The following PABPC4L variants were observed in gnomAD, a reference collection of about 807,000 sequenced individuals.
The protein encoded by PABPC4L is polyadenylate-binding protein 4-like.
For missense variants in PABPC4L, 452 were observed against 451.4 expected (o/e 1.00, Z -0.01); for synonymous variants, 169 against 164.1 (o/e 1.03, Z -0.23).
the PABPC4L span, among the ~76,000 whole-genome samples, chr4:134,137,469 C>T: frequency 6.6e-6 from 1 of 151,762 alleles, no homozygotes; most frequent in East Asian, 1.9e-4. Context: ...CCATGTTTAG[C>T]TTATTTCACT....
Position 134,201,063 on chromosome 4 carries a change from G to C in PABPC4L, c.-44C>G, listed in dbSNP as rs1217312712. 1 of 1,551,338 alleles carries C rather than the reference G, an allele frequency of 6.4e-7. No individual in the cohort carries two copies. The highest frequency in any genetic ancestry group is 8.7e-7 in the Non-Finnish European group (1 of 1,146,964). On this transcript the variant is annotated 5_prime_UTR_variant, in exon 2 of 2. The change creates a premature stop within an existing upstream ORF in the 5' untranslated region. Transcript: ENST00000421491. ...GTGAGTTTGTCCCCTGGAGTTCTTT[G>C]AGCAATCCCTGTGGGGGGATACTAG...
chr4:134,093,465 T>TTCTTTATC, the PABPC4L span, among the ~76,000 whole-genome samples: 11 of 151,768 alleles, frequency 7.2e-5, no homozygotes, highest in African/African-American at 2.4e-4. Context: ...TTTGTTCTAA[T>TTCTTTATC]TGTTATTCCT....
the PABPC4L span, among the ~76,000 whole-genome samples, chr4:134,136,622 TA>T: frequency 6.6e-6 from 1 of 152,104 alleles, no homozygotes; most frequent in Non-Finnish European, 1.5e-5. Flanking sequence ...TTCTTCATTT[TA>T]AGAAAATTCT....
chr4:134,149,098 T>C, the PABPC4L span, among the ~76,000 whole-genome samples: 1 of 152,132 alleles, frequency 6.6e-6, no homozygotes, highest in Non-Finnish European at 1.5e-5. Flanking sequence ...ACCTTTCCTA[T>C]ATTGATTACT....
At chr4:133,974,620 A>G in the PABPC4L span, among the ~76,000 whole-genome samples, 2 of 152,146 alleles carry the variant, frequency 1.3e-5, no homozygotes, top group African/African-American at 4.8e-5. Flanking sequence ...TGCAAATTAT[A>G]TATCTGATAA....
the PABPC4L span, among the ~76,000 whole-genome samples, chr4:134,035,502 C>G: frequency 6.6e-6 from 1 of 151,858 alleles, no homozygotes; most frequent in Non-Finnish European, 1.5e-5. Context: ...GTTTAAGTTT[C>G]CATTACAAAT....
chr4:133,986,555 A>G, the PABPC4L span, among the ~76,000 whole-genome samples: 2 of 152,154 alleles, frequency 1.3e-5, no homozygotes, highest in African/African-American at 2.4e-5. Context: ...CTAAACACCT[A>G]CAAATATCAC....
chr4:134,109,394 T>C, the PABPC4L span, among the ~76,000 whole-genome samples: 1 of 151,204 alleles, frequency 6.6e-6, no homozygotes, highest in Non-Finnish European at 1.5e-5. Context: ...GAAAGAAAAA[T>C]TAAAGATAGG....
the PABPC4L span, among the ~76,000 whole-genome samples, chr4:134,018,304 G>T: frequency 0.01 from 1,544 of 152,158 alleles, 32 homozygotes; most frequent in African/African-American, 0.036. Flanking sequence ...GACTCAGCCT[G>T]CCTGCACCCA....
the PABPC4L span, among the ~76,000 whole-genome samples, chr4:134,155,784 T>C: frequency 6.6e-6 from 1 of 151,984 alleles, no homozygotes; most frequent in Admixed American, 6.6e-5. Context: ...ATTTTTGTAA[T>C]CTGAATTTCT....
At chr4:134,041,019 A>G in the PABPC4L span, among the ~76,000 whole-genome samples, 12 of 152,162 alleles carry the variant, frequency 7.9e-5, no homozygotes, top group Non-Finnish European at 1.8e-4. Context: ...CAAAATCACA[A>G]TGAGATACCA....
chr4:134,099,474 C>T, the PABPC4L span, among the ~76,000 whole-genome samples: 1 of 151,694 alleles, frequency 6.6e-6, no homozygotes, highest in Non-Finnish European at 1.5e-5. Context: ...TTGTAAATAT[C>T]AGTTATTTGG....
At chr4:134,101,392 T>A in the PABPC4L span, among the ~76,000 whole-genome samples, 1 of 151,530 alleles carries the variant, frequency 6.6e-6, no homozygotes, top group African/African-American at 2.4e-5. Flanking sequence ...GAATGTTTTA[T>A]TTTGCATGTG....
At chr4:134,174,441 T>G in the PABPC4L span, among the ~76,000 whole-genome samples, 4 of 152,160 alleles carry the variant, frequency 2.6e-5, no homozygotes, top group African/African-American at 9.7e-5. Flanking sequence ...ACAGTAGGTG[T>G]GTTTACATCA....
At chr4:134,194,155 G>A (rs1379446322), downstream of PABPC4L, among the ~76,000 whole-genome samples, 1 of 151,840 alleles carries the variant, frequency 6.6e-6, no homozygotes. Context: ...CTTGGGGGTG[G>A]AGGAGTTTTA....
At chr4:134,155,514 T>C in the PABPC4L span, among the ~76,000 whole-genome samples, 26 of 151,726 alleles carry the variant, frequency 1.7e-4, no homozygotes, top group Non-Finnish European at 3.2e-4. Context: ...TCTTCCCCAT[T>C]GCTCTATCCT....
At chr4:133,964,739 C>G in the PABPC4L span, among the ~76,000 whole-genome samples, 2 of 151,988 alleles carry the variant, frequency 1.3e-5, no homozygotes, top group Non-Finnish European at 2.9e-5. Context: ...TCAATAGATA[C>G]AGAAAAAGCA....
At chr4:134,151,995 G>C in the PABPC4L span, among the ~76,000 whole-genome samples, 1 of 151,602 alleles carries the variant, frequency 6.6e-6, no homozygotes, top group East Asian at 1.9e-4. Flanking sequence ...TATCAATTTA[G>C]ATATTATTAT....
At chr4:134,006,235 A>G in the PABPC4L span, among the ~76,000 whole-genome samples, 3 of 151,804 alleles carry the variant, frequency 2.0e-5, no homozygotes, top group South Asian at 2.1e-4. Flanking sequence ...ATCTAGTTCA[A>G]TTTATAACAT....
Sources: gnomAD v4.1 joint callset for allele counts (sites outside exome capture counted in the v4.1 genomes callset) on GRCh38, gnomAD v4.1.1 for gene constraint, MANE v1.5 for transcripts, NCBI Gene and HGNC (gene_info 2026-07-23, HGNC 2026-07-21) for gene names.